ANKRD40: variants seen among roughly 807,000 people sequenced by gnomAD.
ANKRD40 encodes the protein ankyrin repeat domain 40.
A neutral mutation model predicts 35.5 loss-of-function variants in ANKRD40; 24 were observed. The ratio of observed to expected loss-of-function variants is 0.68; its 90% confidence interval spans 0.49 to 0.95. The LOEUF (loss-of-function observed/expected upper bound fraction) is 0.95. Ranked by LOEUF, ANKRD40 falls within the 40% of genes least tolerant of loss-of-function variation. ANKRD40 has a pLI of 0.00. For missense variants in ANKRD40, 361 were observed against 436.0 expected (o/e 0.83, Z 1.53); for synonymous variants, 147 against 173.5 (o/e 0.85, Z 1.20).
intron 1 of ANKRD40, among the ~76,000 whole-genome samples, chr17:50,703,717 A>C (rs189224535): frequency 4.8e-4 from 73 of 152,244 alleles, no homozygotes; most frequent in African/African-American, 1.7e-3. Flanking sequence ...CACAGAGGTA[A>C]GGAGGGAAGA....
intron 3 of ANKRD40, among the ~76,000 whole-genome samples, chr17:50,697,999 T>C (rs1968220100): frequency 6.6e-6 from 1 of 152,194 alleles, no homozygotes; most frequent in African/African-American, 2.4e-5. Flanking sequence ...TAGAGAAATA[T>C]TGATATCTTT....
chr17:50,706,770 G>A (rs1968344103), intron 1 of ANKRD40, among the ~76,000 whole-genome samples: 1 of 150,228 alleles, frequency 6.7e-6, no homozygotes, highest in Non-Finnish European at 1.5e-5. Context: ...CGGGTGTGGG[G>A]GCGCGTGCCT....
At chr17:50,706,903 CAAAAAAAAAAAAAAAA>C (rs35024672) in intron 1 of ANKRD40, among the ~76,000 whole-genome samples, 4 of 37,968 alleles carry the variant, frequency 1.1e-4, no homozygotes, top group African/African-American at 3.4e-4. Flanking sequence ...GACCCTGTCT[CAAAAAAAAAAAAAAAA>C]AAAAAAAAAA....
Position 50,707,759 on chromosome 17 carries a change from G to T in ANKRD40, c.-105C>A. On this transcript the variant is annotated 5_prime_UTR_variant, in exon 1 of 5. Transcript: ENST00000285243. This position sits in a 1 kb window ranked among gnomAD's most constrained non-coding sequence, Gnocchi z 4.8. Reference sequence around the variant, plus strand: ...CGGCCCGCTCCCGGCCATGGGGAGGGAGCGCGGAACTCGCCCGCCCTGCTC... The same window carrying T: ...CGGCCCGCTCCCGGCCATGGGGAGGTAGCGCGGAACTCGCCCGCCCTGCTC... 1 of 870,598 alleles carries T rather than the reference G, an allele frequency of 1.1e-6. No individual in the cohort carries two copies. The highest frequency in any genetic ancestry group is 1.4e-6 in the Non-Finnish European group (1 of 699,618). 53.9% of individuals were successfully genotyped at this position (870,598 alleles called of 1,614,324 possible).
intron 3 of ANKRD40, 147 bp from the exon 4 acceptor site, chr17:50,697,268 C>T: frequency 2.5e-6 from 2 of 792,650 alleles, no homozygotes; most frequent in East Asian, 2.9e-5. Context: ...AAACCAAGTG[C>T]AGCCAGCAGG....
intron 3 of ANKRD40, among the ~76,000 whole-genome samples, chr17:50,697,550 G>A (rs947307476): frequency 6.6e-6 from 1 of 152,102 alleles, no homozygotes; most frequent in Admixed American, 6.5e-5. Context: ...TAACAATTAT[G>A]GACCTAAAGG....
In ANKRD40 at chr17:50,700,549, C is replaced by A; in HGVS notation, c.283+19G>T. ...AATGAGTCTGAGGAAATCAAAAGTT[C>A]CCCCAAACACAGACTCACCTCCCAT... is the stretch of plus-strand genomic sequence containing the variant. On this transcript the variant is annotated intron_variant, in intron 2 of 4. Coordinates refer to ENST00000285243, the MANE Select transcript of ANKRD40 (RefSeq NM_052855.4). 6.2e-7 allele frequency: 1 copy of A among 1,611,906 alleles called. No individual in the cohort carries two copies.
chr17:50,705,549 A>G lies in ANKRD40; in HGVS notation c.134+1972T>C, dbSNP rs113713038. 5.5e-3 allele frequency among the ~76,000 whole-genome samples: 829 copies of G among 151,636 alleles called. 6 individuals are homozygous for G. Among genetic ancestry groups the G allele is most frequent in the Non-Finnish European group, 8.0e-3 (546 of 67,936 alleles). On this transcript the variant is annotated intron_variant, in intron 1 of 4. Coordinates refer to ENST00000285243, the MANE Select transcript of ANKRD40 (RefSeq NM_052855.4). ...TTTTTTTTGAGACTGGGATCTCACT[A>G]TGTTGCCCAGGCTGGTCTCAAACTT...
chr17:50,700,829 G>A, intron 1 of ANKRD40, 113 bp from the exon 2 acceptor site: 1 of 949,206 alleles, frequency 1.1e-6, no homozygotes. Flanking sequence ...CTAGAACCAG[G>A]TAACCGGGCT....
At chr17:50,705,693 G>A (rs921921256) in intron 1 of ANKRD40, among the ~76,000 whole-genome samples, 3 of 139,768 alleles carry the variant, frequency 2.1e-5, no homozygotes, top group Admixed American at 7.7e-5. Context: ...ACAGAGTCTC[G>A]CTCTGCCACC....
At chr17:50,705,438 G>C (rs1460605426) in intron 1 of ANKRD40, among the ~76,000 whole-genome samples, 2 of 145,124 alleles carry the variant, frequency 1.4e-5, no homozygotes, top group African/African-American at 5.1e-5. Context: ...AAAAAAAACA[G>C]AACAAAAAGG....
chr17:50,699,781 G>C lies in ANKRD40; in HGVS notation c.396C>G (p.Ile132Met). Residue 132 changes from isoleucine to methionine, a missense_variant, in exon 3 of 5, where the codon ATC becomes ATG. Ile to Met is a conservative substitution (Grantham distance 10). Around this residue, in one of 5 missense-constraint regions of ANKRD40, gnomAD observed 172 missense variants for 174.0 expected, o/e 0.99. Coordinates refer to ENST00000285243, the MANE Select transcript of ANKRD40 (RefSeq NM_052855.4). Reference protein sequence around the residue: ...NYLANPAFPFIYTPTAEDSAQ... With the variant: ...NYLANPAFPFMYTPTAEDSAQ... ...CTGAATCCTCTGCTGTGGGTGTATA[G>C]ATAAAAGGGAAGGCTGGGTTGGCCA... is the stretch of plus-strand genomic sequence containing the variant. 1.3e-6 allele frequency: 2 copies of C among 1,599,782 alleles called. No individual in the cohort carries two copies. Among genetic ancestry groups the C allele is most frequent in the South Asian group, 1.1e-5 (1 of 89,608 alleles).
intron 1 of ANKRD40, among the ~76,000 whole-genome samples, chr17:50,706,690 C>T (rs1215313305): frequency 6.7e-6 from 1 of 148,752 alleles, no homozygotes; most frequent in Non-Finnish European, 1.5e-5. Flanking sequence ...TCACTTGAGG[C>T]CAGGAGTTTG....
At chr17:50,705,319 C>T (rs1224887966) in intron 1 of ANKRD40, among the ~76,000 whole-genome samples, 1 of 151,614 alleles carries the variant, frequency 6.6e-6, no homozygotes, top group Non-Finnish European at 1.5e-5. Flanking sequence ...GCTCCTTCTA[C>T]ACAACACCGC....
At chr17:50,703,211 A>G (rs989706214) in intron 1 of ANKRD40, among the ~76,000 whole-genome samples, 2 of 152,196 alleles carry the variant, frequency 1.3e-5, no homozygotes, top group Admixed American at 6.5e-5. Flanking sequence ...TTGCTTCATA[A>G]TAAGAAAACA....
intron 1 of ANKRD40, among the ~76,000 whole-genome samples, chr17:50,701,719 T>G (rs865834857): frequency 2.2e-4 from 34 of 152,262 alleles, no homozygotes; most frequent in African/African-American, 8.0e-4. Flanking sequence ...ATACATATCT[T>G]CAGAGCTCTT....
At chr17:50,702,262 T>C (rs575389968) in intron 1 of ANKRD40, among the ~76,000 whole-genome samples, 74 of 152,164 alleles carry the variant, frequency 4.9e-4, no homozygotes, top group Non-Finnish European at 8.5e-4. Flanking sequence ...AAAATTAGTG[T>C]GATGGTGCAT....
At chr17:50,700,338 G>T (rs1968255634) in intron 2 of ANKRD40, 2 of 394,506 alleles carry the variant, frequency 5.1e-6, no homozygotes, top group Admixed American at 3.9e-5. Context: ...AGCTACTTGG[G>T]AGGCTGAGGC....
In ANKRD40 at chr17:50,702,820, T is replaced by C. The variant is rs115028617; in HGVS notation, c.135-2104A>G. Among the ~76,000 whole-genome samples the C allele has an allele frequency of 4.2e-3, 644 of 152,290 alleles. 7 individuals are homozygous for C. Among genetic ancestry groups the C allele is most frequent in the African/African-American group, 0.015 (623 of 41,564 alleles). On this transcript the variant is annotated intron_variant, in intron 1 of 4. Transcript: ENST00000285243. ...GTGATCATCATTTACCGTCCAGAGC[T>C]GTGCGGCTCTGGGCAGCCATAACTC...
Sources: gnomAD v4.1 joint callset for allele counts (sites outside exome capture counted in the v4.1 genomes callset) on GRCh38, gnomAD v4.1.1 for gene constraint, gnomAD v4.1.1 regional missense constraint, Gnocchi (gnomAD v3.1) non-coding constraint, MANE v1.5 for transcripts, NCBI Gene and HGNC (gene_info 2026-07-23, HGNC 2026-07-21) for gene names.